The following GABBR2 variants were observed in gnomAD, a reference collection of about 807,000 sequenced individuals.
The protein encoded by GABBR2 is gamma-aminobutyric acid type B receptor subunit 2.
A neutral mutation model predicts 105.6 loss-of-function variants in GABBR2; 23 were observed. The observed-to-expected ratio is 0.22, with a 90% CI of 0.16 to 0.31. The LOEUF (loss-of-function observed/expected upper bound fraction) is 0.31. Ranked by LOEUF, GABBR2 falls within the 10% of genes least tolerant of loss-of-function variation. The pLI, the probability that GABBR2 is intolerant of heterozygous loss-of-function variation, is 1.00. For synonymous variants in GABBR2, 478 were observed against 499.7 expected (o/e 0.96, Z 0.58); for missense variants, 734 against 1,245.5 (o/e 0.59, Z 6.18).
intron 3 of GABBR2, chr9:98,516,092 G>C (rs2131704999): frequency 6.6e-6 from 1 of 152,490 alleles, no homozygotes; most frequent in South Asian, 2.1e-4. Flanking sequence ...AGACTGTGTT[G>C]GGGCCTCTCT....
chr9:98,321,545 C>T (rs1830823049), intron 13 of GABBR2, among the ~76,000 whole-genome samples: 1 of 152,206 alleles, frequency 6.6e-6, no homozygotes, highest in Non-Finnish European at 1.5e-5. Flanking sequence ...CTGCTTTCCT[C>T]CTGTAGTCCA....
At chr9:98,695,550 A>G (rs568294209) in intron 1 of GABBR2, among the ~76,000 whole-genome samples, 5 of 152,198 alleles carry the variant, frequency 3.3e-5, no homozygotes, top group Non-Finnish European at 7.4e-5. Flanking sequence ...TCAAACACAC[A>G]GTCCCCCACT....
chr9:98,399,343 C>T (rs1832348935), intron 8 of GABBR2, among the ~76,000 whole-genome samples: 2 of 142,148 alleles, frequency 1.4e-5, no homozygotes, highest in African/African-American at 2.7e-5. Flanking sequence ...CAAAGCAAGA[C>T]TCCATCTCAA....
At chr9:98,365,066 G>A (rs1831652380) in intron 12 of GABBR2, among the ~76,000 whole-genome samples, 1 of 152,174 alleles carries the variant, frequency 6.6e-6, no homozygotes, top group South Asian at 2.1e-4. Context: ...GAGCAGGAGG[G>A]CTTCTGTGTT....
At chr9:98,616,887 C>A (rs1420289538) in intron 1 of GABBR2, among the ~76,000 whole-genome samples, 1 of 152,086 alleles carries the variant, frequency 6.6e-6, no homozygotes, top group Non-Finnish European at 1.5e-5. Flanking sequence ...AATATATTTT[C>A]TACATTTTAA....
intron 1 of GABBR2, among the ~76,000 whole-genome samples, chr9:98,674,581 C>T (rs1588278262): frequency 1.3e-5 from 2 of 152,052 alleles, no homozygotes; most frequent in Non-Finnish European, 2.9e-5. Flanking sequence ...CAGGGCGGCA[C>T]CTGGATCTCA....
At chr9:98,632,727 C>A (rs1223949610) in intron 1 of GABBR2, among the ~76,000 whole-genome samples, 1 of 152,176 alleles carries the variant, frequency 6.6e-6, no homozygotes, top group Non-Finnish European at 1.5e-5. Context: ...AACTGAGGGC[C>A]CAGTCATCAT....
chr9:98,323,433 A>G (rs1000327118), intron 13 of GABBR2, among the ~76,000 whole-genome samples: 1 of 152,178 alleles, frequency 6.6e-6, no homozygotes, highest in Non-Finnish European at 1.5e-5. Context: ...CCTCTTCCCC[A>G]TAGTTCCTGC....
chr9:98,558,944 A>G (rs2779605), intron 2 of GABBR2, among the ~76,000 whole-genome samples: 42,293 of 152,034 alleles, frequency 0.28, 7,144 homozygotes, highest in East Asian at 0.49. Flanking sequence ...ATTACAAAGA[A>G]GCTCTTTCAC....
intron 3 of GABBR2, among the ~76,000 whole-genome samples, chr9:98,498,952 G>T (rs573544954): frequency 6.6e-6 from 1 of 152,194 alleles, no homozygotes; most frequent in Non-Finnish European, 1.5e-5. Context: ...TCCTGGAAAC[G>T]CACAGTCTAG....
At chr9:98,692,040 T>C (rs1195952840) in intron 1 of GABBR2, among the ~76,000 whole-genome samples, 1 of 152,208 alleles carries the variant, frequency 6.6e-6, no homozygotes, top group Non-Finnish European at 1.5e-5. Context: ...AGCCGTCCTG[T>C]GAAGCAGGTA....
At chr9:98,489,683 G>A (rs910604110) in intron 4 of GABBR2, among the ~76,000 whole-genome samples, 3 of 152,026 alleles carry the variant, frequency 2.0e-5, no homozygotes, top group African/African-American at 7.2e-5. Context: ...GCCCCCGAGA[G>A]AGCCCAACAG....
At chr9:98,596,282 G>C (rs1327548534) in intron 1 of GABBR2, among the ~76,000 whole-genome samples, 1 of 152,182 alleles carries the variant, frequency 6.6e-6, no homozygotes, top group Non-Finnish European at 1.5e-5. Context: ...AAGAGTGCTG[G>C]CACCGGTGAA....
chr9:98,436,977 C>A (rs998192481), intron 7 of GABBR2, among the ~76,000 whole-genome samples: 18 of 152,074 alleles, frequency 1.2e-4, no homozygotes, highest in Non-Finnish European at 2.2e-4. Context: ...TAAGAAGGAA[C>A]TTTCTCAAAG....
At chr9:98,475,796 C>T (rs1285946465) in intron 5 of GABBR2, among the ~76,000 whole-genome samples, 2 of 152,154 alleles carry the variant, frequency 1.3e-5, no homozygotes, top group Non-Finnish European at 2.9e-5. Context: ...TGGCTGGGCG[C>T]GTTGGCTCAT....
At chr9:98,364,970 T>C (rs998861115) in intron 12 of GABBR2, among the ~76,000 whole-genome samples, 4 of 152,218 alleles carry the variant, frequency 2.6e-5, no homozygotes, top group African/African-American at 9.6e-5. Flanking sequence ...TGTTCCTTGA[T>C]ACCTGTGTGA....
chr9:98,576,933 T>TGGATGGATGGATGGATCGAA (rs1828918189), intron 2 of GABBR2, among the ~76,000 whole-genome samples: 1 of 145,426 alleles, frequency 6.9e-6, no homozygotes, highest in African/African-American at 2.5e-5. Flanking sequence ...GATGGATGGA[T>TGGATGGATGGATGGATCGAA]GGATGGATGG....
At chr9:98,654,089 C>A (rs1213512346) in intron 1 of GABBR2, among the ~76,000 whole-genome samples, 1 of 152,222 alleles carries the variant, frequency 6.6e-6, no homozygotes, top group Non-Finnish European at 1.5e-5. Flanking sequence ...GCCATAACAT[C>A]GCTCTCACCT....
At chr9:98,522,725 T>A (rs1052433061) in intron 3 of GABBR2, among the ~76,000 whole-genome samples, 34 of 152,104 alleles carry the variant, frequency 2.2e-4, no homozygotes, top group African/African-American at 8.0e-4. Flanking sequence ...TCAAAAGACA[T>A]AACTCATGAA....
Sources: gnomAD v4.1 joint callset for allele counts (sites outside exome capture counted in the v4.1 genomes callset) on GRCh38, gnomAD v4.1.1 for gene constraint, MANE v1.5 for transcripts, NCBI Gene and HGNC (gene_info 2026-07-23, HGNC 2026-07-21) for gene names.